The following LRP12 variants were observed in gnomAD, a reference collection of about 807,000 sequenced individuals.
LRP12 encodes the protein low-density lipoprotein receptor-related protein 12.
In LRP12, 14 loss-of-function variants were observed where a neutral mutation model predicts 66.0. That is an observed-to-expected ratio of 0.21 (90% CI 0.14 to 0.33). The LOEUF is 0.33. LRP12 is among the 10% of genes least tolerant of loss of function. The pLI, the probability that LRP12 is intolerant of heterozygous loss-of-function variation, is 1.00. For missense variants in LRP12, 889 were observed against 1,053.4 expected, an observed-to-expected ratio of 0.84 and a Z score of 2.16; for synonymous variants, 357 against 359.1, an observed-to-expected ratio of 0.99 and a Z score of 0.07.
intron 1 of LRP12, among the ~76,000 whole-genome samples, chr8:104,565,732 G>A (rs990809007): frequency 1.2e-4 from 18 of 151,474 alleles, no homozygotes; most frequent in African/African-American, 4.4e-4. Context: ...GTGGTGGTGG[G>A]CGCCTGTAGT....
At chr8:104,585,772 A>C (rs1383854125) in intron 1 of LRP12, among the ~76,000 whole-genome samples, 1 of 152,198 alleles carries the variant, frequency 6.6e-6, no homozygotes, top group East Asian at 1.9e-4. Flanking sequence ...GGTTTGAGTA[A>C]AAGTTAGGAA....
rs1293271604 is a variant in LRP12, at chr8:104,490,981, T to G, written c.2272A>C (p.Arg758=). ...SSLSQNQSPL[R]QLDNGVSGRE... ...CCACTTACCCCATTATCAAGTTGTC[T>G]CAAAGGACTCTGGTTCTGACTTAGG... Residue 758 remains arginine (R), a synonymous_variant, in exon 7 of 7, where the codon AGA becomes CGA. Transcript: ENST00000276654. The G allele has an allele frequency of 6.2e-7, 1 of 1,613,898 alleles. No homozygotes were observed. The highest frequency in any genetic ancestry group is 1.3e-5 in the African/African-American group (1 of 74,920).
intron 1 of LRP12, among the ~76,000 whole-genome samples, chr8:104,535,825 T>A (rs1447077367): frequency 6.6e-6 from 1 of 152,060 alleles, no homozygotes; most frequent in Admixed American, 6.6e-5. Flanking sequence ...TGTTCCTTAC[T>A]TTTTTTAAAA....
At chr8:104,549,723 GA>G (rs1184596463) in intron 1 of LRP12, among the ~76,000 whole-genome samples, 1 of 152,104 alleles carries the variant, frequency 6.6e-6, no homozygotes, top group Admixed American at 6.6e-5. Context: ...TAAAGTTGGA[GA>G]AAACCATATA....
chr8:104,493,003 G>A (rs1216726243), intron 6 of LRP12, among the ~76,000 whole-genome samples: 1 of 152,104 alleles, frequency 6.6e-6, no homozygotes, highest in Non-Finnish European at 1.5e-5. Flanking sequence ...GTTATCCTCT[G>A]TTGTGCTGCT....
intron 1 of LRP12, among the ~76,000 whole-genome samples, chr8:104,578,922 T>A (rs1384069252): frequency 6.6e-6 from 1 of 151,986 alleles, no homozygotes; most frequent in African/African-American, 2.4e-5. Context: ...TTAAGAAATA[T>A]ACCTCAAAAT....
chr8:104,559,255 C>T (rs1354454248), intron 1 of LRP12, among the ~76,000 whole-genome samples: 2 of 152,016 alleles, frequency 1.3e-5, no homozygotes, highest in Non-Finnish European at 2.9e-5. Context: ...ATACATATAC[C>T]ATGGAATACT....
intron 2 of LRP12, among the ~76,000 whole-genome samples, chr8:104,531,556 T>C (rs1327546078): frequency 1.3e-5 from 2 of 152,128 alleles, no homozygotes; most frequent in Non-Finnish European, 1.5e-5. Flanking sequence ...AAGGCTCTAA[T>C]CCTAGGGATA....
Position 104,525,354 on chromosome 8 carries a change from C to T in LRP12, c.136+6553G>A, listed in dbSNP as rs146561497. On this transcript the variant is annotated intron_variant, in intron 2 of 6. Coordinates refer to ENST00000276654, the MANE Select transcript of LRP12 (RefSeq NM_013437.5). ...GATAATTTAACTACAATTTCTTATGCCAACCCTGTAGCATCAGAACGAGCA... is the reference window on the plus strand; with the variant it reads ...GATAATTTAACTACAATTTCTTATGTCAACCCTGTAGCATCAGAACGAGCA... Among the ~76,000 whole-genome samples, 103 of 152,040 alleles carry T rather than the reference C, an allele frequency of 6.8e-4. 2 individuals are homozygous for T. In the East Asian group the frequency reaches 9.5e-3, roughly 14 times the overall value.
At position 104,511,880 on chromosome 8, in the gene LRP12, A is replaced by C. The variant is rs564662629; in HGVS notation, c.137-2806T>G. On this transcript the variant is annotated intron_variant, in intron 2 of 6. Coordinates refer to ENST00000276654, the MANE Select transcript of LRP12 (RefSeq NM_013437.5). ...GGGCTTAGCATTCATCTCATTGCCA[A>C]GGCATAGTCAAAGCTTCTTTTTTTC... Among the ~76,000 whole-genome samples the C allele has an allele frequency of 1.3e-4, 20 of 152,114 alleles. No homozygotes were observed. The South Asian group carries it at 1.7e-3, about 13-fold the overall frequency.
chr8:104,531,982 A>T lies in LRP12; in HGVS notation c.80-19T>A, dbSNP rs1811330876. The T allele has an allele frequency of 2.0e-6, 3 of 1,522,486 alleles. No homozygotes were observed. The highest frequency in any genetic ancestry group is 2.8e-5 in the African/African-American group (2 of 71,530). The allele number at this position is 1,522,486 out of a possible 1,614,324, so 94.3% of individuals were successfully genotyped here. On this transcript the variant is annotated intron_variant, in intron 1 of 6. Transcript: ENST00000276654. Reference sequence around the variant, plus strand: ...CCATTTCCTAAAATTAAACATAATGAATAAACTAATATCCAAGATAAAATT... The same window carrying T: ...CCATTTCCTAAAATTAAACATAATGTATAAACTAATATCCAAGATAAAATT...
intron 1 of LRP12, among the ~76,000 whole-genome samples, chr8:104,562,988 T>G (rs1811937748): frequency 6.6e-6 from 1 of 152,190 alleles, no homozygotes; most frequent in Non-Finnish European, 1.5e-5. Context: ...AAGGAATTAA[T>G]CAGCTTGCTT....
intron 2 of LRP12, among the ~76,000 whole-genome samples, chr8:104,520,309 C>T (rs751371351): frequency 6.6e-6 from 1 of 151,678 alleles, no homozygotes; most frequent in East Asian, 1.9e-4. Flanking sequence ...AACATGGTAC[C>T]TACATTTTCC....
chr8:104,526,209 A>G (rs979990356), intron 2 of LRP12, among the ~76,000 whole-genome samples: 3 of 151,914 alleles, frequency 2.0e-5, no homozygotes, highest in Non-Finnish European at 4.4e-5. Context: ...AGAACATTCC[A>G]TGCTCATGGG....
Position 104,490,481 on chromosome 8 carries a change from C to T in LRP12, c.*192G>A, listed in dbSNP as rs376782757. 5.5e-5 allele frequency: 31 copies of T among 568,310 alleles called. No homozygotes were observed. Among genetic ancestry groups the T allele is most frequent in the East Asian group, 1.2e-4 (4 of 32,884 alleles). The allele number at this position is 568,310 out of a possible 1,614,324, so 35.2% of individuals were successfully genotyped here. ...ATATGAATATGTGATGCATTTTTAG[C>T]TGCTAAAATAGTAAACTCTAAGTTC... On this transcript the variant is annotated 3_prime_UTR_variant, in exon 7 of 7. Transcript: ENST00000276654.
chr8:104,588,935 G>T lies in LRP12; in HGVS notation c.-38C>A. The stretch of plus-strand genomic sequence containing the variant: ...TGGAGAGAGAGAGGAGGAGACGGAG[G>T]AGGAGGGAGGAGAAGCTGGAGGTAG... On this transcript the variant is annotated 5_prime_UTR_variant, in exon 1 of 7. Transcript: ENST00000276654. The T allele has an allele frequency of 6.7e-7, 1 of 1,495,360 alleles. No individual in the cohort carries two copies. Among genetic ancestry groups the T allele is most frequent in the Non-Finnish European group, 9.1e-7 (1 of 1,098,592 alleles). 92.6% of individuals were successfully genotyped at this position (1,495,360 alleles called of 1,614,324 possible). A position where few individuals can be genotyped will look rare whatever the true frequency, so the allele number is the denominator to read the frequency against.
chr8:104,543,500 T>C (rs1811509885), intron 1 of LRP12, among the ~76,000 whole-genome samples: 1 of 152,148 alleles, frequency 6.6e-6, no homozygotes, highest in Non-Finnish European at 1.5e-5. Flanking sequence ...AAGCTGTCTC[T>C]CCCTCTCCTC....
Position 104,572,811 on chromosome 8 carries a change from T to C in LRP12, c.79+16008A>G, listed in dbSNP as rs142470665. On this transcript the variant is annotated intron_variant, in intron 1 of 6. Transcript: ENST00000276654. ...TATTTCCCCAAAGGCATCATGGACATATGCTTTTAGAGTAGAGTTCAAATA... is the reference window on the plus strand; with the variant it reads ...TATTTCCCCAAAGGCATCATGGACACATGCTTTTAGAGTAGAGTTCAAATA... Among the ~76,000 whole-genome samples the C allele has an allele frequency of 3.9e-3, 590 of 152,280 alleles. 4 individuals are homozygous for C. The highest frequency in any genetic ancestry group is 0.013 in the African/African-American group (544 of 41,564).
At chr8:104,579,717 C>T (rs979178779) in intron 1 of LRP12, among the ~76,000 whole-genome samples, 3 of 152,042 alleles carry the variant, frequency 2.0e-5, no homozygotes, top group African/African-American at 4.8e-5. Context: ...GCATGGTACT[C>T]GTACAAAAAC....
Sources: gnomAD v4.1 joint callset for allele counts (sites outside exome capture counted in the v4.1 genomes callset) on GRCh38, gnomAD v4.1.1 for gene constraint, MANE v1.5 for transcripts, NCBI Gene and HGNC (gene_info 2026-07-23, HGNC 2026-07-21) for gene names.